The following HERC1 variants were observed in gnomAD, a reference collection of about 807,000 sequenced individuals.
The protein encoded by HERC1 is probable E3 ubiquitin-protein ligase HERC1.
In HERC1, 160 loss-of-function variants were observed where a neutral mutation model predicts 554.3. That is an observed-to-expected ratio of 0.29 (90% CI 0.25 to 0.33). HERC1 has a LOEUF of 0.33. Among genes scored for constraint, HERC1 ranks in the 10% least tolerant of loss-of-function variants. The pLI is 1.00. For synonymous variants in HERC1, 2,175 were observed against 2,131.7 expected, an observed-to-expected ratio of 1.02 and a Z score of -0.56; for missense variants, 4,919 against 5,918.5, an observed-to-expected ratio of 0.83 and a Z score of 5.54.
chr15:63,700,692 G>A (rs1392181642), intron 25 of HERC1, among the ~76,000 whole-genome samples: 2 of 137,646 alleles, frequency 1.5e-5, no homozygotes, highest in Non-Finnish European at 3.1e-5. Context: ...CTGGGTGACA[G>A]GGCGAGACCC....
intron 40 of HERC1, among the ~76,000 whole-genome samples, chr15:63,668,966 C>T (rs927861315): frequency 1.3e-5 from 2 of 152,130 alleles, no homozygotes; most frequent in Non-Finnish European, 2.9e-5. Flanking sequence ...GCACAATACA[C>T]GTATTTTCCA....
At chr15:63,747,383 C>T (rs1364423169) in intron 11 of HERC1, among the ~76,000 whole-genome samples, 1 of 152,022 alleles carries the variant, frequency 6.6e-6, no homozygotes, top group East Asian at 1.9e-4. Context: ...TCACTTGAAC[C>T]TGGGAGGCAG....
chr15:63,742,813 T>A (rs1174280964), intron 12 of HERC1, among the ~76,000 whole-genome samples: 1 of 152,208 alleles, frequency 6.6e-6, no homozygotes, highest in Non-Finnish European at 1.5e-5. Flanking sequence ...CATTTGGTCA[T>A]GGGGTACAAT....
intron 57 of HERC1, among the ~76,000 whole-genome samples, 178 bp from the exon 58 acceptor site, chr15:63,643,728 C>T (rs1167622131): frequency 6.6e-6 from 1 of 152,042 alleles, no homozygotes; most frequent in African/African-American, 2.4e-5. Context: ...CAATCTGATT[C>T]CCTTTGTTGA....
intron 44 of HERC1, among the ~76,000 whole-genome samples, chr15:63,662,280 C>T (rs1256551970): frequency 6.6e-6 from 1 of 151,898 alleles, no homozygotes; most frequent in African/African-American, 2.4e-5. Flanking sequence ...AGTTAATGAA[C>T]ATGACAATCT....
chr15:63,824,507 C>T (rs1462413365), intron 1 of HERC1, among the ~76,000 whole-genome samples: 1 of 143,898 alleles, frequency 6.9e-6, no homozygotes, highest in Non-Finnish European at 1.5e-5. Flanking sequence ...GTACTCCAGC[C>T]TGGGCAACAG....
At position 63,612,829 on chromosome 15, in the gene HERC1, C is replaced by T. The variant is rs146379082; in HGVS notation, c.14095-273G>A. 1.2e-4 allele frequency among the ~76,000 whole-genome samples: 19 copies of T among 152,320 alleles called. No individual in the cohort carries two copies. The highest frequency in any genetic ancestry group is 1.3e-4 in the Non-Finnish European group (9 of 68,026). ...GCCTGCCTTCCCTCTACCACAAAAT[C>T]TCAGCCCACTGGGGCCTTCCCTGAT... On this transcript the variant is annotated intron_variant, in intron 76 of 77. Transcript: ENST00000443617. The surrounding 1 kb of genome is among the most constrained non-coding windows in gnomAD (Gnocchi z 5.0).
At position 63,663,133 on chromosome 15, in the gene HERC1, G is replaced by C. The variant is rs2070439999; in HGVS notation, c.8752C>G (p.Pro2918Ala). The C allele has an allele frequency of 6.2e-7, 1 of 1,613,780 alleles. No homozygotes were observed. Among genetic ancestry groups the C allele is most frequent in the Non-Finnish European group, 8.5e-7 (1 of 1,179,854 alleles). The change falls in exon 44 of 78, where the codon CCA becomes GCA. Residue 2918 changes from proline to alanine, a missense_variant. Physicochemically the swap from Pro to Ala is conservative, Grantham distance 27. Coordinates refer to ENST00000443617, the MANE Select transcript of HERC1 (RefSeq NM_003922.4). ...AAATTAAAGTCATACAACGCCCCTG[G>C]GTCTTGCTGCAAAGATATTCCTTCT... Reference protein sequence around the residue: ...RREGISLQQDPGALYDFNLDE... With the variant: ...RREGISLQQDAGALYDFNLDE...
In HERC1 at chr15:63,775,043, T is replaced by C; in HGVS notation, c.581A>G (p.His194Arg). 1 of 1,614,020 alleles carries C rather than the reference T, an allele frequency of 6.2e-7. No homozygotes were observed. Among genetic ancestry groups the C allele is most frequent in the Non-Finnish European group, 8.5e-7 (1 of 1,179,860 alleles). Residue 194 changes from histidine (H) to arginine (R), a missense_variant, in exon 2 of 78, where the codon CAT becomes CGT. This residue lies in a region of HERC1 where 744 missense variants were observed against 1,090.0 expected (regional missense o/e 0.68). Transcript: ENST00000443617. This position sits in a 1 kb window ranked among gnomAD's most constrained non-coding sequence, Gnocchi z 4.0. ...AGAGCTCACAACTTCAATTGCAGTA[T>C]GAATGACATCGTTGCAAAGACTGAG... Reference protein sequence around the residue: ...PGLSLCNDVIHTAIEVVSSLP... With the variant: ...PGLSLCNDVIRTAIEVVSSLP...
intron 24 of HERC1, among the ~76,000 whole-genome samples, chr15:63,710,943 T>C (rs886948691): frequency 1.4e-4 from 22 of 152,190 alleles, no homozygotes; most frequent in African/African-American, 4.6e-4. Context: ...GAAGAGCCTA[T>C]AGACCCCTGT....
chr15:63,798,356 C>T (rs1282628768), intron 1 of HERC1, among the ~76,000 whole-genome samples: 2 of 152,116 alleles, frequency 1.3e-5, no homozygotes, highest in African/African-American at 2.4e-5. Context: ...CAACAACTGC[C>T]TCTTTACAAT....
At chr15:63,803,286 G>A (rs1241925029) in intron 1 of HERC1, among the ~76,000 whole-genome samples, 1 of 152,182 alleles carries the variant, frequency 6.6e-6, no homozygotes, top group African/African-American at 2.4e-5. Flanking sequence ...GGTACAGAGA[G>A]GCTAAATAGC....
chr15:63,808,629 G>A (rs980571356), intron 1 of HERC1, among the ~76,000 whole-genome samples: 1 of 152,164 alleles, frequency 6.6e-6, no homozygotes, highest in Non-Finnish European at 1.5e-5. Context: ...GGAAAAAAAA[G>A]AGTAAAGTAA....
In HERC1 at chr15:63,656,291, G is replaced by A; in HGVS notation, c.9667C>T (p.Arg3223Ter). ...CCTGCTGCTGCCAAGCACATTAATC[G>A]AACTAGCGTTCGGATATCTGTTAGC... ...LGLTDIRTLV[R>*]LMCLAAAGRA... Residue 3223 changes from arginine (R) to a stop codon, truncating the protein, a stop_gained, in exon 49 of 78, where the codon CGA becomes TGA. Coordinates refer to ENST00000443617, the MANE Select transcript of HERC1 (RefSeq NM_003922.4). LOFTEE classifies it high-confidence loss of function. 1 of 1,613,926 alleles carries A rather than the reference G, an allele frequency of 6.2e-7. No individual in the cohort carries two copies.
chr15:63,655,665 T>G, intron 50 of HERC1, 77 bp downstream of exon 50: 1 of 1,018,242 alleles, frequency 9.8e-7, no homozygotes, highest in Middle Eastern at 3.2e-4. Context: ...ATTTATCATA[T>G]ACTAACAATG....
chr15:63,615,630 A>G (rs2067782410), intron 76 of HERC1, 138 bp downstream of exon 76: 1 of 583,382 alleles, frequency 1.7e-6, no homozygotes, highest in Admixed American at 4.3e-5. Flanking sequence ...AAGTAAATTA[A>G]AATAAATAAA....
chr15:63,643,483 C>G lies in HERC1; in HGVS notation c.11252G>C (p.Arg3751Pro), dbSNP rs779826008. Reference sequence around the variant, plus strand: ...CCCATCAGAACTAAAGGCAACAGTCCGAACAGGAGTGATGTGTCCCCGCAG... The same window carrying G: ...CCCATCAGAACTAAAGGCAACAGTCGGAACAGGAGTGATGTGTCCCCGCAG... ...YQLRGHITPVRTVAFSSDGLA... is the reference protein window; with the variant it reads ...YQLRGHITPVPTVAFSSDGLA... Residue 3751 changes from arginine to proline, a missense_variant, in exon 58 of 78, where the codon CGG becomes CCG. Arg to Pro is a moderately radical substitution (Grantham distance 103). Transcript: ENST00000443617. The G allele has an allele frequency of 1.2e-6, 2 of 1,612,042 alleles. No individual in the cohort carries two copies. The highest frequency in any genetic ancestry group is 1.7e-6 in the Non-Finnish European group (2 of 1,179,004).
At chr15:63,819,728 A>G (rs915576488) in intron 1 of HERC1, among the ~76,000 whole-genome samples, 1 of 152,160 alleles carries the variant, frequency 6.6e-6, no homozygotes, top group African/African-American at 2.4e-5. Flanking sequence ...CCACATGACA[A>G]TACTTGGATG....
Position 63,775,739 on chromosome 15 carries a change from T to C in HERC1, c.-26-90A>G. On this transcript the variant is annotated intron_variant, in intron 1 of 77. Coordinates refer to ENST00000443617, the MANE Select transcript of HERC1 (RefSeq NM_003922.4). The surrounding 1 kb of genome is among the most constrained non-coding windows in gnomAD (Gnocchi z 4.0). The stretch of plus-strand genomic sequence containing the variant: ...TCATCTTACATTACAATTAATGATT[T>C]CAAACTGGTGAAATGCAGCCGGGTG... 1.1e-6 allele frequency: 1 copy of C among 942,184 alleles called. No homozygotes were observed. The highest frequency in any genetic ancestry group is 1.6e-6 in the Non-Finnish European group (1 of 627,120). 58.4% of individuals were successfully genotyped at this position (942,184 alleles called of 1,614,324 possible). A position where few individuals can be genotyped will look rare whatever the true frequency, so the allele number is the denominator to read the frequency against.
Sources: allele counts gnomAD v4.1 joint callset (sites outside exome capture counted in the v4.1 genomes callset), GRCh38; gene constraint gnomAD v4.1.1; regional missense constraint gnomAD v4.1.1; non-coding constraint Gnocchi (gnomAD v3.1); transcripts MANE v1.5; gene names NCBI Gene and HGNC (gene_info 2026-07-23, HGNC 2026-07-21).